Variants in ASPH observed in about 807,000 individuals in gnomAD.
The protein encoded by ASPH is aspartate beta-hydroxylase, also known as aspartyl/asparaginyl beta-hydroxylase.
Under a neutral mutation model 118.4 loss-of-function variants are expected in ASPH, and 100 were observed. The ratio of observed to expected loss-of-function variants is 0.84; its 90% CI spans 0.72 to 1.00. The LOEUF (loss-of-function observed/expected upper bound fraction) is 1.00, where lower values mean the gene tolerates loss of function less well. Ranked by LOEUF, ASPH falls within the 50% of genes least tolerant of loss-of-function variation. The pLI, the probability that ASPH is intolerant of heterozygous loss-of-function variation, is 0.00. For synonymous variants in ASPH, 315 were observed against 325.6 expected (o/e 0.97, Z 0.35); for missense variants, 920 against 919.5 (o/e 1.00, Z -0.01).
chr8:61,608,218 G>A (rs1196787792), intron 14 of ASPH, among the ~76,000 whole-genome samples: 1 of 152,212 alleles, frequency 6.6e-6, no homozygotes, highest in East Asian at 1.9e-4. Flanking sequence ...GGGCAACTGA[G>A]AATTTGTTAA....
chr8:61,621,973 TA>T (rs1851099733), intron 13 of ASPH, among the ~76,000 whole-genome samples: 1 of 152,214 alleles, frequency 6.6e-6, no homozygotes, highest in Non-Finnish European at 1.5e-5. Flanking sequence ...AACACCTTAC[TA>T]AAAAGAATGG....
chr8:61,604,087 G>A (rs1291053875), intron 14 of ASPH, among the ~76,000 whole-genome samples: 1 of 152,212 alleles, frequency 6.6e-6, no homozygotes, highest in African/African-American at 2.4e-5. Flanking sequence ...CCAGATTATG[G>A]GGTGCCTTGA....
chr8:61,707,933 T>C (rs1036811164), intron 1 of ASPH, among the ~76,000 whole-genome samples: 4 of 152,196 alleles, frequency 2.6e-5, no homozygotes, highest in Non-Finnish European at 4.4e-5. Flanking sequence ...TTCAAATACA[T>C]TGATTTAATA....
intron 14 of ASPH, among the ~76,000 whole-genome samples, chr8:61,594,942 T>G (rs1205001955): frequency 6.6e-6 from 1 of 152,244 alleles, no homozygotes; most frequent in East Asian, 1.9e-4. Context: ...ATTGTTTAGA[T>G]GTCAGCAGGA....
At chr8:61,508,976 T>A (rs1807752567) in intron 24 of ASPH, among the ~76,000 whole-genome samples, 1 of 152,204 alleles carries the variant, frequency 6.6e-6, no homozygotes, top group Non-Finnish European at 1.5e-5. Flanking sequence ...GCACACACTG[T>A]AAGCAAAACG....
chr8:61,551,433 G>C (rs1295111943), intron 20 of ASPH, among the ~76,000 whole-genome samples: 1 of 152,178 alleles, frequency 6.6e-6, no homozygotes, highest in Non-Finnish European at 1.5e-5. Flanking sequence ...CTAACATGGA[G>C]TTTCTACAGG....
intron 21 of ASPH, among the ~76,000 whole-genome samples, chr8:61,539,437 A>G (rs559050009): frequency 1.3e-5 from 2 of 152,186 alleles, no homozygotes; most frequent in East Asian, 3.9e-4. Flanking sequence ...AAAGGAAGGA[A>G]GGAAAGCACA....
Position 61,619,013 on chromosome 8 carries a change from T to C in ASPH, c.941A>G (p.Asn314Ser), listed in dbSNP as rs1176988130. 1 of 1,603,970 alleles carries C rather than the reference T, an allele frequency of 6.2e-7. No homozygotes were observed. Among genetic ancestry groups the C allele is most frequent in the Non-Finnish European group, 8.5e-7 (1 of 1,172,066 alleles). ...EEQQEVPPET[N>S]RKTDDPEQKA... ...TTGTTCTGGATCATCTGTTTTTCTA[T>C]TTGTTTCTGAAAATTAAAGACAAAA... Residue 314 changes from asparagine (N) to serine (S), a missense_variant, in exon 14 of 25, where the codon AAT (asparagine) becomes AGT (serine). By Grantham distance (46) the Asn-to-Ser change is conservative. Transcript: ENST00000379454.
chr8:61,595,866 C>G (rs932681184), intron 14 of ASPH, among the ~76,000 whole-genome samples: 1 of 152,176 alleles, frequency 6.6e-6, no homozygotes, highest in African/African-American at 2.4e-5. Context: ...AGCATATCAT[C>G]TGGAAGCCTG....
At chr8:61,673,792 A>G (rs1158983532) in intron 3 of ASPH, among the ~76,000 whole-genome samples, 1 of 152,134 alleles carries the variant, frequency 6.6e-6, no homozygotes, top group Non-Finnish European at 1.5e-5. Flanking sequence ...GTGCAGAGAT[A>G]AAATAAAATA....
At chr8:61,576,035 T>C (rs1835027974) in intron 16 of ASPH, among the ~76,000 whole-genome samples, 1 of 152,226 alleles carries the variant, frequency 6.6e-6, no homozygotes, top group Non-Finnish European at 1.5e-5. Flanking sequence ...TACCATCCCC[T>C]GATCACCTTG....
At chr8:61,677,065 T>C (rs1056567917) in intron 3 of ASPH, among the ~76,000 whole-genome samples, 48 of 152,080 alleles carry the variant, frequency 3.2e-4, no homozygotes, top group African/African-American at 1.1e-3. Context: ...AATAATTCAC[T>C]TTGCCTACCG....
In ASPH at chr8:61,547,965, T is replaced by C. The variant is rs553667513; in HGVS notation, c.1764+106A>G. The stretch of plus-strand genomic sequence containing the variant: ...TATATTTTGCAAATGTCACTAGAAA[T>C]AAAATCTATCTCTTCCCTGACATTC... On this transcript the variant is annotated intron_variant, in intron 21 of 24. Coordinates refer to ENST00000379454, the MANE Select transcript of ASPH (RefSeq NM_004318.4). 2.9e-4 allele frequency: 416 copies of C among 1,437,984 alleles called. 2 individuals carry two copies. The highest frequency in any genetic ancestry group is 4.3e-4 in the East Asian group (18 of 42,198). The allele number at this position is 1,437,984 out of a possible 1,614,324, so 89.1% of individuals were successfully genotyped here.
intron 14 of ASPH, among the ~76,000 whole-genome samples, chr8:61,596,195 A>G (rs1173002929): frequency 6.6e-6 from 1 of 151,158 alleles, no homozygotes; most frequent in African/African-American, 2.4e-5. Context: ...GGATTGACCC[A>G]CCCCATCTGC....
intron 21 of ASPH, among the ~76,000 whole-genome samples, chr8:61,528,439 G>C (rs377565566): frequency 1.3e-5 from 2 of 152,318 alleles, no homozygotes; most frequent in East Asian, 3.9e-4. Flanking sequence ...TTGACACACA[G>C]ACAAGGGAAG....
chr8:61,705,760 G>A (rs914750612), intron 1 of ASPH, among the ~76,000 whole-genome samples: 1 of 151,890 alleles, frequency 6.6e-6, no homozygotes, highest in Non-Finnish European at 1.5e-5. Context: ...TTCACTACGT[G>A]AAAATTTTAC....
intron 17 of ASPH, among the ~76,000 whole-genome samples, chr8:61,563,096 T>A (rs1051354250): frequency 6.6e-6 from 1 of 152,050 alleles, no homozygotes; most frequent in African/African-American, 2.4e-5. Context: ...TGGTATTGAT[T>A]ATAAACATCT....
rs114522179 is a variant in ASPH, at chr8:61,577,631, A to G, written c.1063-773T>C. Among the ~76,000 whole-genome samples the G allele has an allele frequency of 6.5e-3, 987 of 152,298 alleles. 12 individuals carry two copies. The highest frequency in any genetic ancestry group is 0.022 in the African/African-American group (928 of 41,550). On this transcript the variant is annotated intron_variant, in intron 15 of 24. Coordinates refer to ENST00000379454, the MANE Select transcript of ASPH (RefSeq NM_004318.4). ...CACGTGGCTGGGGAGGCCTAAGGAA[A>G]CTTGCGATTGTGGCAGAAGGCAAAG...
In ASPH at chr8:61,520,047, T is replaced by A. The variant is rs573213048; in HGVS notation, c.1901-1924A>T. On this transcript the variant is annotated intron_variant, in intron 22 of 24. Transcript: ENST00000379454. The stretch of plus-strand genomic sequence containing the variant: ...CTATATTAGTTGCCAAAACACTATT[T>A]TTATTGGACTTCAATGTCTTTTCCA... 5.3e-5 allele frequency among the ~76,000 whole-genome samples: 8 copies of A among 152,324 alleles called. No homozygotes were observed. The South Asian group carries it at 1.7e-3, about 32-fold the overall frequency.
Sources: allele counts gnomAD v4.1 joint callset (sites outside exome capture counted in the v4.1 genomes callset), GRCh38; gene constraint gnomAD v4.1.1; transcripts MANE v1.5; gene names NCBI Gene and HGNC (gene_info 2026-07-23, HGNC 2026-07-21).